Variants in AFF2 observed in about 807,000 individuals in gnomAD.
The protein encoded by AFF2 is ALF transcription elongation factor 2.
Under a neutral mutation model 76.9 loss-of-function variants are expected in AFF2, and 14 were observed. The observed-to-expected ratio is 0.18, with a 90% CI of 0.12 to 0.28. The LOEUF is 0.28. Among genes scored for constraint, AFF2 ranks in the 10% least tolerant of loss-of-function variants. AFF2 has a pLI of 1.00. For missense variants in AFF2, 868 were observed against 1,001.1 expected (o/e 0.87, Z 1.79); for synonymous variants, 398 against 366.7 (o/e 1.09, Z -0.98).
intron 1 of AFF2, among the ~76,000 whole-genome samples, chrX:148,537,783 T>A (rs1025717758): frequency 1.8e-5 from 2 of 111,331 alleles, no homozygotes; most frequent in Non-Finnish European, 3.8e-5. Context: ...ATGCTGCCCC[T>A]TTGTTCTGTC....
At chrX:148,548,330 C>T (rs535150570) in intron 1 of AFF2, among the ~76,000 whole-genome samples, 1 of 112,430 alleles carries the variant, frequency 8.9e-6, no homozygotes, top group South Asian at 3.7e-4. Context: ...TTTTGCCATG[C>T]ATAGAGCTCT....
chrX:148,700,594 C>T lies in AFF2; in HGVS notation c.1041+37826C>T, dbSNP rs191790852. 1.1e-4 allele frequency among the ~76,000 whole-genome samples: 12 copies of T among 110,629 alleles called. No homozygotes were observed. In the Admixed American group the frequency reaches 1.2e-3, roughly 11 times the overall value. ...GTTCTTTCCAATAAGCTCTTCTGTC[C>T]TTGGCTTTTTGCAGATGCTGCCGTG... On this transcript the variant is annotated intron_variant, in intron 3 of 20. Coordinates refer to ENST00000370460, the MANE Select transcript of AFF2 (RefSeq NM_002025.4).
At chrX:148,728,478 G>A (rs782555029) in intron 3 of AFF2, among the ~76,000 whole-genome samples, 1 of 112,331 alleles carries the variant, frequency 8.9e-6, no homozygotes, top group Non-Finnish European at 1.9e-5. Context: ...ATTCTACTTG[G>A]CTACTAGCCA....
At chrX:148,562,562 C>T (rs2053125703) in intron 1 of AFF2, among the ~76,000 whole-genome samples, 1 of 111,987 alleles carries the variant, frequency 8.9e-6, no homozygotes, top group Non-Finnish European at 1.9e-5. Context: ...TCTGTCTAAC[C>T]ATGCTTTCTT....
intron 3 of AFF2, among the ~76,000 whole-genome samples, chrX:148,773,697 A>AGGAAG: frequency 1.2e-5 from 1 of 84,884 alleles, no homozygotes; most frequent in Middle Eastern, 5.6e-3. Context: ...AAAGAAAGAA[A>AGGAAG]GAAAGAAAGA....
At chrX:148,839,166 A>G (rs782648754) in intron 5 of AFF2, among the ~76,000 whole-genome samples, 3 of 112,390 alleles carry the variant, frequency 2.7e-5, no homozygotes, top group Non-Finnish European at 3.8e-5. Flanking sequence ...ATGGGCTTTT[A>G]TAGTTAAGTG....
chrX:148,956,311 C>T lies in AFF2; in HGVS notation c.2266C>T (p.Leu756Phe), dbSNP rs782008682. Residue 756 changes from leucine (L) to phenylalanine (F), a missense_variant, in exon 11 of 21, where the codon CTC (leucine) becomes TTC (phenylalanine). Leu to Phe is a conservative substitution (Grantham distance 22). Transcript: ENST00000370460. ...SKEICGASLTLSTLMSSSGSN... is the reference protein window; with the variant it reads ...SKEICGASLTFSTLMSSSGSN... ...GGAAATCTGTGGTGCCAGCCTGACC[C>T]TCAGCACCTTAATGAGTAGCAGTGG... 8.3e-7 allele frequency: 1 copy of T among 1,211,896 alleles called. No individual in the cohort carries two copies. Among genetic ancestry groups the T allele is most frequent in the South Asian group, 1.8e-5 (1 of 56,980 alleles).
rs1376274074 is a variant in AFF2, at chrX:148,995,475, G to A, written c.*4143G>A. The A allele has an allele frequency of 1.0e-5, 1 of 95,574 alleles. No homozygotes were observed. Among genetic ancestry groups the A allele is most frequent in the Non-Finnish European group, 2.0e-5 (1 of 49,646 alleles). The allele number at this position is 95,574 out of a possible 1,213,427, so 7.9% of individuals were successfully genotyped here. A position where few individuals can be genotyped will look rare whatever the true frequency, so the allele number is the denominator to read the frequency against. On this transcript the variant is annotated 3_prime_UTR_variant, in exon 21 of 21. Coordinates refer to ENST00000370460, the MANE Select transcript of AFF2 (RefSeq NM_002025.4). ...TTGCATTGTGGGGAGGGCAGAAAGG[G>A]GGTGGGGGTGGGGGCGGGGGGGTGG...
intron 1 of AFF2, among the ~76,000 whole-genome samples, chrX:148,526,623 G>C (rs1376803662): frequency 9.0e-6 from 1 of 110,666 alleles, no homozygotes; most frequent in Non-Finnish European, 1.9e-5. Flanking sequence ...AAAGGGGATA[G>C]GTATACCTTT....
At chrX:148,698,244 A>T (rs1193716490) in intron 3 of AFF2, among the ~76,000 whole-genome samples, 1 of 112,776 alleles carries the variant, frequency 8.9e-6, no homozygotes, top group African/African-American at 3.2e-5. Flanking sequence ...TTTATTGACT[A>T]GAACATCTAA....
chrX:148,506,611 C>T (rs2052421652), intron 1 of AFF2, among the ~76,000 whole-genome samples: 1 of 110,535 alleles, frequency 9.0e-6, no homozygotes, highest in Admixed American at 9.6e-5. Flanking sequence ...AGACAAATCT[C>T]AAGTCCTTGA....
At chrX:148,921,212 CA>C (rs2071591777) in intron 9 of AFF2, among the ~76,000 whole-genome samples, 1 of 112,127 alleles carries the variant, frequency 8.9e-6, no homozygotes, top group Admixed American at 9.4e-5. Flanking sequence ...CCATGGTAGA[CA>C]TATAAAGTGG....
At chrX:148,757,755 A>AATCCTC (rs782195711) in intron 3 of AFF2, among the ~76,000 whole-genome samples, 2 of 111,742 alleles carry the variant, frequency 1.8e-5, no homozygotes, top group Non-Finnish European at 3.8e-5. Flanking sequence ...AAGACTTAAA[A>AATCCTC]ATCCTCAAAC....
intron 1 of AFF2, among the ~76,000 whole-genome samples, chrX:148,624,569 G>A (rs368423759): frequency 3.6e-5 from 4 of 111,955 alleles, no homozygotes; most frequent in East Asian, 5.6e-4. Context: ...ATGATAATCA[G>A]AAGGAAAATA....
intron 20 of AFF2, among the ~76,000 whole-genome samples, chrX:148,990,344 C>T (rs1557292125): frequency 8.9e-6 from 1 of 112,175 alleles, no homozygotes; most frequent in Admixed American, 9.5e-5. Context: ...CCCCCTGACA[C>T]GGATTCCTTG....
intron 3 of AFF2, among the ~76,000 whole-genome samples, chrX:148,748,626 C>T (rs1401318799): frequency 8.9e-6 from 1 of 111,889 alleles, no homozygotes; most frequent in Non-Finnish European, 1.9e-5. Context: ...CTTATCCATC[C>T]TTTGCAGAGG....
In AFF2 at chrX:148,992,201, G is replaced by A. The variant is rs782514665; in HGVS notation, c.*869G>A. The A allele has an allele frequency of 8.9e-6, 1 of 111,959 alleles. No individual in the cohort carries two copies. Among genetic ancestry groups the A allele is most frequent in the Non-Finnish European group, 1.9e-5 (1 of 53,200 alleles). 9.2% of individuals were successfully genotyped at this position (111,959 alleles called of 1,213,427 possible). A position where few individuals can be genotyped will look rare whatever the true frequency, so the allele number is the denominator to read the frequency against. ...CTCTAGACTTACAAGTGGGAGTTAA[G>A]AGAGGTCTGGAAAGTGTCCAACAAG... On this transcript the variant is annotated 3_prime_UTR_variant, in exon 21 of 21. Transcript: ENST00000370460.
rs1244674122 is a variant in AFF2 at position 148,885,872 on chromosome X, C to A, written c.1263-17C>A. On this transcript the variant is annotated splice_polypyrimidine_tract_variant and intron_variant, in intron 7 of 20. Transcript: ENST00000370460. Reference sequence around the variant, plus strand: ...AATATGCCTTCTAACTCAAACACCACTCTGATCTCTTTGTAGGATGCTTGA... The same window carrying A: ...AATATGCCTTCTAACTCAAACACCAATCTGATCTCTTTGTAGGATGCTTGA... 7 of 1,187,447 alleles carry A rather than the reference C, an allele frequency of 5.9e-6. No individual in the cohort carries two copies. Among genetic ancestry groups the A allele is most frequent in the Non-Finnish European group, 8.0e-6 (7 of 875,121 alleles).
At chrX:148,969,804 G>A (rs1483476390) in intron 15 of AFF2, among the ~76,000 whole-genome samples, 1 of 110,888 alleles carries the variant, frequency 9.0e-6, no homozygotes, top group African/African-American at 3.3e-5. Context: ...GGAACACTTA[G>A]AGGAATGATA....
Sources: allele counts gnomAD v4.1 joint callset (sites outside exome capture counted in the v4.1 genomes callset), GRCh38; gene constraint gnomAD v4.1.1; transcripts MANE v1.5; gene names NCBI Gene and HGNC (gene_info 2026-07-23, HGNC 2026-07-21).